The following LRP2 variants were observed in gnomAD, a reference collection of about 807,000 sequenced individuals.
LRP2 encodes LDL receptor related protein 2.
Under a neutral mutation model 531.0 loss-of-function variants are expected in LRP2, and 172 were observed. The ratio of observed to expected loss-of-function variants is 0.32; its 90% confidence interval spans 0.29 to 0.37. LRP2 has a LOEUF of 0.37. Among genes scored for constraint, LRP2 ranks in the 10% least tolerant of loss-of-function variants. LRP2 has a pLI of 1.00. For synonymous variants in LRP2, 1,992 were observed against 2,027.6 expected (o/e 0.98, Z 0.47); for missense variants, 5,167 against 5,868.3 (o/e 0.88, Z 3.90).
intron 69 of LRP2, 73 bp downstream of exon 69, chr2:169,146,666 G>A: frequency 7.6e-7 from 1 of 1,313,694 alleles, no homozygotes; most frequent in East Asian, 2.5e-5. Flanking sequence ...GCTCCTTCTT[G>A]AGAAAACAGG....
chr2:169,362,201 C>G (rs544952691), intron 1 of LRP2, 120 bp downstream of exon 1: 18 of 831,170 alleles, frequency 2.2e-5, no homozygotes, highest in South Asian at 1.8e-4. Context: ...GAGCAGCTCC[C>G]GCGCCGCCGC....
At chr2:169,286,244 G>A (rs532782758) in intron 9 of LRP2, among the ~76,000 whole-genome samples, 1 of 152,216 alleles carries the variant, frequency 6.6e-6, no homozygotes, top group African/African-American at 2.4e-5. Flanking sequence ...GTGGCAGGAG[G>A]CCTCATATTC....
At chr2:169,328,441 T>TAAAA (rs537210492) in intron 1 of LRP2, among the ~76,000 whole-genome samples, 1,030 of 49,008 alleles carry the variant, frequency 0.021, 60 homozygotes, top group Admixed American at 0.12. Context: ...CGGGCCGGGA[T>TAAAA]AAAAAAAAAA....
At chr2:169,311,205 T>G (rs1442799383) in intron 3 of LRP2, among the ~76,000 whole-genome samples, 2 of 152,212 alleles carry the variant, frequency 1.3e-5, no homozygotes, top group African/African-American at 4.8e-5. Flanking sequence ...TCTCCTTCAG[T>G]TCTGCTCTGA....
At chr2:169,149,326 A>G (rs749918428) in intron 68 of LRP2, among the ~76,000 whole-genome samples, 7 of 152,234 alleles carry the variant, frequency 4.6e-5, no homozygotes, top group Non-Finnish European at 7.3e-5. Context: ...CAGATCTTAT[A>G]CCGCAGAAGC....
At chr2:169,144,963 T>C (rs1685856255) in intron 70 of LRP2, among the ~76,000 whole-genome samples, 1 of 152,206 alleles carries the variant, frequency 6.6e-6, no homozygotes, top group African/African-American at 2.4e-5. Context: ...AATTATTTCA[T>C]TTCTGAGATT....
Position 169,293,473 on chromosome 2 carries a change from C to T in LRP2, c.652+675G>A, listed in dbSNP as rs539612728. ...GGCGGATCACTTGAGATCAGGAGTT[C>T]GAGACCAGCCTGGCCAACACGGTGA... On this transcript the variant is annotated intron_variant, in intron 6 of 78. Coordinates refer to ENST00000649046, the MANE Select transcript of LRP2 (RefSeq NM_004525.3). 3.3e-5 allele frequency among the ~76,000 whole-genome samples: 5 copies of T among 152,134 alleles called. No homozygotes were observed. In the East Asian group the frequency reaches 7.8e-4, roughly 24 times the overall value.
chr2:169,205,781 A>G (rs1688356514), intron 40 of LRP2, 144 bp from the exon 41 acceptor site: 4 of 966,376 alleles, frequency 4.1e-6, no homozygotes, highest in Non-Finnish European at 6.4e-6. Flanking sequence ...AACTTGTCCA[A>G]AGGAGATCTA....
chr2:169,327,141 T>G (rs1463896742), intron 1 of LRP2, among the ~76,000 whole-genome samples: 13 of 100,258 alleles, frequency 1.3e-4, no homozygotes, highest in African/African-American at 2.3e-4. Context: ...GGTGGGGGGG[T>G]CAGCCCCCCG....
chr2:169,180,546 G>A (rs368136750), intron 52 of LRP2, among the ~76,000 whole-genome samples: 92 of 152,350 alleles, frequency 6.0e-4, no homozygotes, highest in African/African-American at 1.9e-3. Context: ...GAGCACTGGC[G>A]TGTGTGCCAG....
chr2:169,142,611 G>A, intron 71 of LRP2, 63 bp downstream of exon 71: 6 of 1,606,848 alleles, frequency 3.7e-6, no homozygotes, highest in South Asian at 1.1e-5. Context: ...GGATTCTTCT[G>A]ACTCCTGAAG....
intron 41 of LRP2, 36 bp from the exon 42 acceptor site, chr2:169,204,307 T>C (rs998611562): frequency 1.7e-5 from 27 of 1,598,558 alleles, no homozygotes; most frequent in Middle Eastern, 3.4e-4. Context: ...GAAGTTGAAA[T>C]CTCAAGTGAG....
intron 16 of LRP2, among the ~76,000 whole-genome samples, chr2:169,260,270 T>C (rs181693991): frequency 6.6e-6 from 1 of 152,204 alleles, no homozygotes; most frequent in East Asian, 1.9e-4. Flanking sequence ...GAGAGATGCA[T>C]AGGATGGTCT....
At chr2:169,258,899 G>C in intron 17 of LRP2, 126 bp downstream of exon 17, 2 of 832,114 alleles carry the variant, frequency 2.4e-6, no homozygotes, top group Non-Finnish European at 3.9e-6. Context: ...AAAATTTAAG[G>C]TGATTTCAAC....
At chr2:169,336,526 C>A (rs930588374) in intron 1 of LRP2, among the ~76,000 whole-genome samples, 1 of 148,424 alleles carries the variant, frequency 6.7e-6, no homozygotes, top group Non-Finnish European at 1.5e-5. Context: ...GGTGACAGAG[C>A]AAGACTCCAT....
intron 34 of LRP2, among the ~76,000 whole-genome samples, chr2:169,216,870 C>T (rs986559042): frequency 1.3e-5 from 2 of 152,190 alleles, no homozygotes; most frequent in South Asian, 4.1e-4. Context: ...CCATCTACCA[C>T]AAGACCGGCT....
At chr2:169,263,155 T>G (rs908209775) in intron 16 of LRP2, among the ~76,000 whole-genome samples, 3 of 152,098 alleles carry the variant, frequency 2.0e-5, no homozygotes, top group African/African-American at 7.2e-5. Context: ...GAAGAAAACC[T>G]AGGCATTACC....
At chr2:169,142,817 G>A (rs759332563) in intron 70 of LRP2, 24 bp from the exon 71 acceptor site, 24 of 1,613,306 alleles carry the variant, frequency 1.5e-5, no homozygotes, top group Non-Finnish European at 1.9e-5. Context: ...GAGAACAGCA[G>A]TTAGGTCCTG....
chr2:169,157,537 C>T lies in LRP2; in HGVS notation c.11888-35G>A, dbSNP rs1304423768. On this transcript the variant is annotated intron_variant, in intron 63 of 78. Transcript: ENST00000649046. The stretch of plus-strand genomic sequence containing the variant: ...AAAATCCCAGCATTACAAACCAGAT[C>T]AGCCACAAATAACAGTCAAGTGGTG... 3 of 1,609,632 alleles carry T rather than the reference C, an allele frequency of 1.9e-6. No individual in the cohort carries two copies. In the East Asian group the frequency reaches 6.7e-5, roughly 36 times the overall value.
Sources: gnomAD v4.1 joint callset for allele counts (sites outside exome capture counted in the v4.1 genomes callset) on GRCh38, gnomAD v4.1.1 for gene constraint, MANE v1.5 for transcripts, NCBI Gene and HGNC (gene_info 2026-07-23, HGNC 2026-07-21) for gene names.